The following CACNA2D1 variants were observed in gnomAD, a reference collection of about 807,000 sequenced individuals.
The protein encoded by CACNA2D1 is calcium voltage-gated channel auxiliary subunit alpha2delta 1, also known as voltage-dependent calcium channel subunit alpha-2/delta-1.
In CACNA2D1, 53 loss-of-function variants were observed where a neutral mutation model predicts 171.5. The observed-to-expected ratio is 0.31, with a 90% CI of 0.25 to 0.39. CACNA2D1 has a LOEUF of 0.39. Ranked by LOEUF, CACNA2D1 falls within the 10% of genes least tolerant of loss-of-function variation. The probability of loss-of-function intolerance (pLI) is 1.00; values close to 1 mark genes in which losing one functional copy is unlikely to be tolerated. For synonymous variants in CACNA2D1, 442 were observed against 443.1 expected (o/e 1.00, Z 0.03); for missense variants, 903 against 1,299.8 (o/e 0.69, Z 4.69).
At chr7:82,221,012 A>G (rs1170037065) in intron 3 of CACNA2D1, among the ~76,000 whole-genome samples, 2 of 152,078 alleles carry the variant, frequency 1.3e-5, no homozygotes, top group African/African-American at 2.4e-5. Flanking sequence ...CTGACCTCGC[A>G]TGATCTGCCC....
At chr7:82,405,454 TAA>T (rs1319406105) in intron 1 of CACNA2D1, among the ~76,000 whole-genome samples, 4 of 152,148 alleles carry the variant, frequency 2.6e-5, no homozygotes, top group African/African-American at 9.7e-5. Flanking sequence ...TACTTCTAAG[TAA>T]AGACATTGCA....
intron 6 of CACNA2D1, among the ~76,000 whole-genome samples, chr7:82,103,083 G>A (rs942796233): frequency 9.9e-5 from 15 of 152,226 alleles, no homozygotes; most frequent in Admixed American, 5.2e-4. Flanking sequence ...TAAGGCAGGC[G>A]GATCACTTGA....
rs147557831 is a variant in CACNA2D1 at position 82,141,581 on chromosome 7, G to A, written c.355-4905C>T. Among the ~76,000 whole-genome samples the A allele has an allele frequency of 1.2e-4, 19 of 152,094 alleles. No homozygotes were observed. The East Asian group carries it at 2.7e-3, about 22-fold the overall frequency. ...ATTTTGGCAACCTTCTCCGTGCTAC[G>A]TATTGGAGAAACGAAGATGAATAAT... is the stretch of plus-strand genomic sequence containing the variant. On this transcript the variant is annotated intron_variant, in intron 4 of 38. Transcript: ENST00000356860.
At chr7:82,287,683 A>G (rs910698801) in intron 3 of CACNA2D1, among the ~76,000 whole-genome samples, 13 of 152,174 alleles carry the variant, frequency 8.5e-5, no homozygotes, top group Admixed American at 4.6e-4. Flanking sequence ...TTTAAATGTC[A>G]TGTACTTTGG....
intron 6 of CACNA2D1, among the ~76,000 whole-genome samples, chr7:82,087,472 C>T (rs1237687528): frequency 1.3e-5 from 2 of 151,312 alleles, no homozygotes; most frequent in African/African-American, 4.9e-5. Flanking sequence ...AAGAATCATT[C>T]ATTCAATTCC....
intron 3 of CACNA2D1, among the ~76,000 whole-genome samples, chr7:82,213,862 C>T (rs1800822266): frequency 6.6e-6 from 1 of 152,132 alleles, no homozygotes; most frequent in African/African-American, 2.4e-5. Flanking sequence ...TTCATCTACT[C>T]AGGCTACTAT....
intron 3 of CACNA2D1, among the ~76,000 whole-genome samples, chr7:82,311,314 C>A (rs1338571971): frequency 6.6e-6 from 1 of 151,650 alleles, no homozygotes; most frequent in Non-Finnish European, 1.5e-5. Flanking sequence ...TTTCTGACAA[C>A]TTTTTAGATC....
At chr7:81,972,382 T>C (rs1338857846) in intron 25 of CACNA2D1, among the ~76,000 whole-genome samples, 1 of 151,790 alleles carries the variant, frequency 6.6e-6, no homozygotes, top group Non-Finnish European at 1.5e-5. Context: ...TTCTTTTCTA[T>C]CACAAATATC....
intron 11 of CACNA2D1, among the ~76,000 whole-genome samples, chr7:82,037,601 G>A (rs1030406926): frequency 2.6e-5 from 4 of 152,126 alleles, no homozygotes; most frequent in African/African-American, 9.7e-5. Flanking sequence ...TCCGGGAGTT[G>A]CATTTCTGTT....
chr7:82,432,919 C>T (rs1829817743), intron 1 of CACNA2D1, among the ~76,000 whole-genome samples: 1 of 152,156 alleles, frequency 6.6e-6, no homozygotes, highest in South Asian at 2.1e-4. Flanking sequence ...GGTGTCGCGG[C>T]TCACGCCTGT....
At chr7:82,295,974 T>C (rs954962139) in intron 3 of CACNA2D1, among the ~76,000 whole-genome samples, 3 of 151,754 alleles carry the variant, frequency 2.0e-5, no homozygotes, top group Admixed American at 1.3e-4. Context: ...ATGGATGAAA[T>C]TGGAAATCAT....
At chr7:82,022,876 C>A (rs573552296) in intron 12 of CACNA2D1, among the ~76,000 whole-genome samples, 1 of 151,836 alleles carries the variant, frequency 6.6e-6, no homozygotes, top group Non-Finnish European at 1.5e-5. Flanking sequence ...TATTTCATAT[C>A]ATATGCTTTT....
intron 4 of CACNA2D1, among the ~76,000 whole-genome samples, chr7:82,139,996 G>A (rs1204312391): frequency 6.7e-6 from 1 of 149,388 alleles, no homozygotes; most frequent in Non-Finnish European, 1.5e-5. Context: ...TCATTATGTT[G>A]TTCAGGCTGG....
chr7:82,348,628 AGTTT>A (rs1819521092), intron 2 of CACNA2D1, among the ~76,000 whole-genome samples: 1 of 152,112 alleles, frequency 6.6e-6, no homozygotes, highest in East Asian at 1.9e-4. Flanking sequence ...AATTTTTTGA[AGTTT>A]GTGTGTATTT....
intron 3 of CACNA2D1, among the ~76,000 whole-genome samples, chr7:82,202,649 G>A (rs1462444176): frequency 8.7e-6 from 1 of 115,312 alleles, no homozygotes; most frequent in African/African-American, 3.5e-5. Flanking sequence ...TGCAGCGGAG[G>A]TAAGGGCACT....
At chr7:82,237,005 A>G (rs76821016) in intron 3 of CACNA2D1, among the ~76,000 whole-genome samples, 5,679 of 152,096 alleles carry the variant, frequency 0.037, 151 homozygotes, top group Middle Eastern at 0.078. Context: ...ATCCAATTAT[A>G]AATAAAAATA....
intron 1 of CACNA2D1, among the ~76,000 whole-genome samples, chr7:82,420,043 C>G (rs1828576821): frequency 6.6e-6 from 1 of 152,172 alleles, no homozygotes; most frequent in Admixed American, 6.5e-5. Flanking sequence ...AAAGAACTGT[C>G]TGATCCAAAA....
intron 3 of CACNA2D1, among the ~76,000 whole-genome samples, chr7:82,265,410 TC>T (rs1295613175): frequency 3.0e-5 from 4 of 131,880 alleles, no homozygotes; most frequent in Non-Finnish European, 6.5e-5. Context: ...TAACAATTTT[TC>T]CTTTCTTTTT....
At chr7:82,039,604 T>G (rs1803705577) in intron 10 of CACNA2D1, among the ~76,000 whole-genome samples, 1 of 152,212 alleles carries the variant, frequency 6.6e-6, no homozygotes, top group African/African-American at 2.4e-5. Context: ...TATGATTCAT[T>G]CTATAAAGCA....
Sources: allele counts gnomAD v4.1 joint callset (sites outside exome capture counted in the v4.1 genomes callset), GRCh38; gene constraint gnomAD v4.1.1; transcripts MANE v1.5; gene names NCBI Gene and HGNC (gene_info 2026-07-23, HGNC 2026-07-21).